The following LRP1B variants were observed in gnomAD, a reference collection of about 807,000 sequenced individuals.
LRP1B encodes LDL receptor related protein 1B.
A neutral mutation model predicts 556.6 loss-of-function variants in LRP1B; 217 were observed. That is an observed-to-expected ratio of 0.39 (90% CI 0.35 to 0.44). The LOEUF (loss-of-function observed/expected upper bound fraction) is 0.44. Among genes scored for constraint, LRP1B ranks in the 20% least tolerant of loss-of-function variants. The pLI, the probability that LRP1B is intolerant of heterozygous loss-of-function variation, is 1.00. For synonymous variants in LRP1B, 2,047 were observed against 1,865.8 expected (o/e 1.10, Z -2.50); for missense variants, 5,053 against 5,620.8 (o/e 0.90, Z 3.23).
chr2:140,534,007 G>A lies in LRP1B; in HGVS notation c.7762+14C>T. The A allele has an allele frequency of 6.2e-7, 1 of 1,612,388 alleles. No homozygotes were observed. The highest frequency in any genetic ancestry group is 8.5e-7 in the Non-Finnish European group (1 of 1,179,244). ...GCACACCAATATTCTGAGATTGATG[G>A]AACAAGTATTTACCTTTACAATCTA... is the stretch of plus-strand genomic sequence containing the variant. On this transcript the variant is annotated intron_variant, in intron 47 of 90. Transcript: ENST00000389484.
intron 2 of LRP1B, among the ~76,000 whole-genome samples, chr2:141,534,132 G>A (rs1361349874): frequency 6.6e-6 from 1 of 152,070 alleles, no homozygotes; most frequent in East Asian, 1.9e-4. Flanking sequence ...AATTGCAGAG[G>A]TAGTCCATCA....
At chr2:140,519,236 C>T (rs1237614654) in intron 49 of LRP1B, among the ~76,000 whole-genome samples, 1 of 152,182 alleles carries the variant, frequency 6.6e-6, no homozygotes, top group African/African-American at 2.4e-5. Context: ...GTAACCAAAA[C>T]AGCATGATAC....
At chr2:141,959,431 G>A (rs1208647897) in intron 1 of LRP1B, among the ~76,000 whole-genome samples, 1 of 151,942 alleles carries the variant, frequency 6.6e-6, no homozygotes, top group Non-Finnish European at 1.5e-5. Flanking sequence ...GCTGTGTGTA[G>A]TTAATGCGTC....
chr2:140,486,841 A>T (rs1213388412), intron 58 of LRP1B, among the ~76,000 whole-genome samples: 3 of 151,870 alleles, frequency 2.0e-5, no homozygotes, highest in Admixed American at 6.6e-5. Context: ...AATCCAGCTT[A>T]CTATTTGTTT....
chr2:141,892,140 A>G (rs1447793500), intron 1 of LRP1B, among the ~76,000 whole-genome samples: 2 of 152,050 alleles, frequency 1.3e-5, no homozygotes, highest in Non-Finnish European at 2.9e-5. Flanking sequence ...CAGATATATA[A>G]ATTATTCCAC....
chr2:142,079,658 C>T (rs948047365), intron 1 of LRP1B, among the ~76,000 whole-genome samples: 11 of 151,920 alleles, frequency 7.2e-5, no homozygotes, highest in Non-Finnish European at 1.5e-4. Flanking sequence ...TACAGGCATG[C>T]ACCAACATGC....
intron 41 of LRP1B, among the ~76,000 whole-genome samples, chr2:140,678,769 C>T (rs993852171): frequency 3.0e-4 from 23 of 76,366 alleles, no homozygotes; most frequent in African/African-American, 9.0e-4. Context: ...CTTCAATCTC[C>T]CTTTTTTTTT....
intron 3 of LRP1B, among the ~76,000 whole-genome samples, chr2:141,467,964 G>C (rs528578961): frequency 3.3e-5 from 5 of 151,708 alleles, no homozygotes; most frequent in African/African-American, 4.8e-5. Flanking sequence ...TGTCATCTCT[G>C]CCCAGTTTGA....
At chr2:141,067,434 C>T (rs886125342) in intron 7 of LRP1B, among the ~76,000 whole-genome samples, 1 of 151,934 alleles carries the variant, frequency 6.6e-6, no homozygotes, top group African/African-American at 2.4e-5. Flanking sequence ...TGAAAAATCT[C>T]TCTTGTACTT....
chr2:141,572,021 A>C lies in LRP1B; in HGVS notation c.206-91488T>G, dbSNP rs147985732. On this transcript the variant is annotated intron_variant, in intron 2 of 90. Transcript: ENST00000389484. Reference sequence around the variant, plus strand: ...GAAAACACATGTCAGGATATTATCCAGGAGAATTTCCCCAATCTAGCAAGA... The same window carrying C: ...GAAAACACATGTCAGGATATTATCCCGGAGAATTTCCCCAATCTAGCAAGA... 1.9e-3 allele frequency among the ~76,000 whole-genome samples: 291 copies of C among 152,326 alleles called. 7 individuals are homozygous for C. In the East Asian group the frequency reaches 0.047, roughly 25 times the overall value.
chr2:141,561,823 A>G (rs1686163577), intron 2 of LRP1B, among the ~76,000 whole-genome samples: 1 of 150,798 alleles, frequency 6.6e-6, no homozygotes, highest in Admixed American at 6.6e-5. Flanking sequence ...AGGCAAAAAA[A>G]TAAGTGAATT....
At chr2:141,721,826 G>GTA (rs1448212266) in intron 2 of LRP1B, among the ~76,000 whole-genome samples, 14 of 152,104 alleles carry the variant, frequency 9.2e-5, no homozygotes, top group Non-Finnish European at 1.5e-4. Context: ...CCACCAAAAT[G>GTA]TATATGGCCA....
intron 2 of LRP1B, among the ~76,000 whole-genome samples, chr2:141,527,857 C>G (rs1193927051): frequency 2.6e-5 from 4 of 152,048 alleles, no homozygotes; most frequent in Non-Finnish European, 5.9e-5. Flanking sequence ...TGTTGAATAA[C>G]AGTTAATCCA....
At chr2:141,984,577 T>G (rs1443140572) in intron 1 of LRP1B, among the ~76,000 whole-genome samples, 1 of 152,136 alleles carries the variant, frequency 6.6e-6, no homozygotes, top group Non-Finnish European at 1.5e-5. Flanking sequence ...GTGTCCCTAT[T>G]AGATTTTTAG....
intron 35 of LRP1B, among the ~76,000 whole-genome samples, chr2:140,748,095 AT>A (rs1200259544): frequency 2.0e-3 from 10 of 5,112 alleles, no homozygotes; most frequent in African/African-American, 8.1e-3. Flanking sequence ...TCCTATGAAT[AT>A]ATATATATAT....
At chr2:141,073,552 T>A (rs951345834) in intron 7 of LRP1B, among the ~76,000 whole-genome samples, 1 of 152,082 alleles carries the variant, frequency 6.6e-6, no homozygotes, top group East Asian at 1.9e-4. Flanking sequence ...TTACAATAAC[T>A]CACTAATATT....
In LRP1B at chr2:140,702,509, T is replaced by C. The variant is rs1686685362; in HGVS notation, c.6068A>G (p.Lys2023Arg). ...CTTCTCTGAGCCATCCAAGCGAGCC[T>C]TTCCAATACAGGGCATTTGTCCCCA... ...TEWGQMPCIG[K>R]ARLDGSEKVV... Residue 2023 changes from lysine (K) to arginine (R), a missense_variant, in exon 38 of 91, where the codon AAG becomes AGG. By Grantham distance (26) the Lys-to-Arg change is conservative. This residue lies in a region of LRP1B where 3,619 missense variants were observed against 3,931.9 expected (regional missense o/e 0.92). Coordinates refer to ENST00000389484, the MANE Select transcript of LRP1B (RefSeq NM_018557.3). 1 of 1,613,504 alleles carries C rather than the reference T, an allele frequency of 6.2e-7. No homozygotes were observed. Among genetic ancestry groups the C allele is most frequent in the African/African-American group, 1.3e-5 (1 of 75,000 alleles).
rs537881626 is a variant in LRP1B at position 140,627,831 on chromosome 2, A to T, written c.6800-26192T>A. On this transcript the variant is annotated intron_variant, in intron 41 of 90. Transcript: ENST00000389484. ...TGTAAGACACTCTTTGCCACTTTCA[A>T]CAACGTTTTATAAGATAGACATGAA... Among the ~76,000 whole-genome samples, 4 of 152,354 alleles carry T rather than the reference A, an allele frequency of 2.6e-5. No individual in the cohort carries two copies. The South Asian group carries it at 8.3e-4, about 32-fold the overall frequency.
chr2:140,329,907 C>A (rs1426641197), intron 79 of LRP1B, among the ~76,000 whole-genome samples: 2 of 150,924 alleles, frequency 1.3e-5, no homozygotes, highest in African/African-American at 4.9e-5. Context: ...AACAAAAAAA[C>A]TACTTTAAAA....
Sources: allele counts gnomAD v4.1 joint callset (sites outside exome capture counted in the v4.1 genomes callset), GRCh38; gene constraint gnomAD v4.1.1; regional missense constraint gnomAD v4.1.1; transcripts MANE v1.5; gene names NCBI Gene and HGNC (gene_info 2026-07-23, HGNC 2026-07-21).